TENM3: variants seen among roughly 807,000 people sequenced by gnomAD.
TENM3 encodes teneurin-3.
In TENM3, 63 loss-of-function variants were observed where a neutral mutation model predicts 255.1. The observed-to-expected ratio is 0.25, with a 90% CI of 0.20 to 0.30. The LOEUF (loss-of-function observed/expected upper bound fraction) is 0.30. Among genes scored for constraint, TENM3 ranks in the 10% least tolerant of loss-of-function variants. The probability of loss-of-function intolerance (pLI) is 1.00; values close to 1 mark genes in which losing one functional copy is unlikely to be tolerated. For missense variants in TENM3, 2,929 were observed against 3,461.1 expected (o/e 0.85, Z 3.86); for synonymous variants, 1,306 against 1,322.3 (o/e 0.99, Z 0.27).
At chr4:182,588,270 C>T (rs1746246107) in intron 3 of TENM3, among the ~76,000 whole-genome samples, 1 of 151,998 alleles carries the variant, frequency 6.6e-6, no homozygotes, top group African/African-American at 2.4e-5. Context: ...CTCCTGTTTC[C>T]TTTTGTAGTA....
intron 2 of TENM3, among the ~76,000 whole-genome samples, chr4:182,342,619 G>A (rs1388260578): frequency 6.6e-6 from 1 of 152,136 alleles, no homozygotes; most frequent in Non-Finnish European, 1.5e-5. Context: ...GGTGCATTTT[G>A]TGGTATGTGA....
chr4:182,477,229 A>G (rs891701615), intron 3 of TENM3, among the ~76,000 whole-genome samples: 1 of 152,190 alleles, frequency 6.6e-6, no homozygotes, highest in African/African-American at 2.4e-5. Context: ...AACCTTTGAA[A>G]TGACTAGAGA....
chr4:182,426,657 C>T (rs1056207562), intron 3 of TENM3, among the ~76,000 whole-genome samples: 2 of 152,102 alleles, frequency 1.3e-5, no homozygotes, highest in African/African-American at 4.8e-5. Flanking sequence ...ATATTTATTG[C>T]AATGTCTTTA....
rs116111555 is a variant in TENM3 at position 182,748,391 on chromosome 4, G to A, written c.3630-3409G>A. ...GCTGCTGGCTGCAGCCGGTTCCGTC[G>A]TGGTAGCCTCACGTTTTCACAGTAG... is the stretch of plus-strand genomic sequence containing the variant. On this transcript the variant is annotated intron_variant, in intron 19 of 27. Transcript: ENST00000511685. 8.1e-3 allele frequency among the ~76,000 whole-genome samples: 1,228 copies of A among 152,242 alleles called. 22 individuals carry two copies. Among genetic ancestry groups the A allele is most frequent in the African/African-American group, 0.027 (1,142 of 41,548 alleles).
At chr4:181,905,806 G>A in the TENM3 span, 1 of 366,444 alleles carries the variant, frequency 2.7e-6, no homozygotes, top group African/African-American at 2.2e-5. Flanking sequence ...GAGTCTACCA[G>A]GTCATCATCA....
At chr4:182,364,479 C>T (rs1037839594) in intron 3 of TENM3, among the ~76,000 whole-genome samples, 15 of 152,134 alleles carry the variant, frequency 9.9e-5, no homozygotes, top group African/African-American at 2.9e-4. Context: ...TGCAGTGGCG[C>T]GATCTCGGCT....
chr4:182,166,705 C>G (rs1196001186), intron 1 of TENM3, among the ~76,000 whole-genome samples: 1 of 152,084 alleles, frequency 6.6e-6, no homozygotes, highest in Non-Finnish European at 1.5e-5. Context: ...GATCTGAGCT[C>G]ACTGCAACCT....
intron 3 of TENM3, among the ~76,000 whole-genome samples, chr4:182,562,450 G>T (rs113473013): frequency 3.0e-4 from 46 of 152,062 alleles, no homozygotes; most frequent in African/African-American, 1.0e-3. Context: ...TGTTCCAGCC[G>T]CTGTTGCCTC....
the TENM3 span, among the ~76,000 whole-genome samples, chr4:181,926,596 C>A: frequency 6.6e-6 from 1 of 151,976 alleles, no homozygotes; most frequent in Admixed American, 6.6e-5. Flanking sequence ...GTTTTAAATC[C>A]TGGTCCTTGA....
intron 12 of TENM3, among the ~76,000 whole-genome samples, chr4:182,710,337 A>T (rs1254132571): frequency 6.6e-6 from 1 of 152,232 alleles, no homozygotes; most frequent in Non-Finnish European, 1.5e-5. Context: ...AGAAGGAATT[A>T]TAAAGAAATT....
chr4:181,629,840 T>C, the TENM3 span, among the ~76,000 whole-genome samples: 7 of 152,248 alleles, frequency 4.6e-5, no homozygotes, highest in African/African-American at 7.2e-5. Flanking sequence ...ATCAGGATGA[T>C]GCCGACCTCA....
Position 182,517,385 on chromosome 4 carries a change from T to TTC in TENM3, c.512-83538_512-83537insCT, listed in dbSNP as rs200480086. 4.1e-3 allele frequency among the ~76,000 whole-genome samples: 528 copies of TTC among 128,578 alleles called. 34 individuals are homozygous for TTC. The highest frequency in any genetic ancestry group is 7.6e-3 in the Non-Finnish European group (451 of 59,306). The allele number at this position is 128,578 out of a possible 152,430, so 84.4% of individuals were successfully genotyped here. ...AAAAAAAACAAAGTTCATTCTTTTT[T>TTC]TTTTTTTTTTTTTTTTGAGACGGAG... is the stretch of plus-strand genomic sequence containing the variant. On this transcript the variant is annotated intron_variant, in intron 3 of 27. Coordinates refer to ENST00000511685, the MANE Select transcript of TENM3 (RefSeq NM_001080477.4).
chr4:182,517,717 C>T (rs148202987), intron 3 of TENM3, among the ~76,000 whole-genome samples: 1 of 152,164 alleles, frequency 6.6e-6, no homozygotes, highest in South Asian at 2.1e-4. Context: ...AGATAATAGT[C>T]AACATAGTAT....
At chr4:182,180,963 ACTGAAGAAGAATT>A (rs947679798) in intron 1 of TENM3, among the ~76,000 whole-genome samples, 2 of 152,050 alleles carry the variant, frequency 1.3e-5, no homozygotes, top group Non-Finnish European at 2.9e-5. Context: ...CTGTCACCTG[ACTGAAGAAGAATT>A]CTTCACTTGA....
At chr4:182,178,711 A>T (rs17307065) in intron 1 of TENM3, among the ~76,000 whole-genome samples, 7,302 of 152,316 alleles carry the variant, frequency 0.048, 246 homozygotes, top group Non-Finnish European at 0.07. Flanking sequence ...CAACTCCATC[A>T]TCATTTTCCT....
the TENM3 span, among the ~76,000 whole-genome samples, chr4:181,535,209 T>C: frequency 6.6e-6 from 1 of 152,186 alleles, no homozygotes; most frequent in Non-Finnish European, 1.5e-5. Flanking sequence ...CTCTTGCCGC[T>C]GAGGCTTCCC....
chr4:182,004,143 G>A, the TENM3 span, among the ~76,000 whole-genome samples: 2 of 152,022 alleles, frequency 1.3e-5, no homozygotes, highest in African/African-American at 4.8e-5. Flanking sequence ...GAACGTGCAG[G>A]CTTATTACAT....
chr4:181,994,177 T>G, the TENM3 span, among the ~76,000 whole-genome samples: 1 of 152,200 alleles, frequency 6.6e-6, no homozygotes, highest in African/African-American at 2.4e-5. Context: ...TTATATGTTT[T>G]GAAGTGCATT....
At chr4:181,543,351 G>A in the TENM3 span, among the ~76,000 whole-genome samples, 1 of 152,008 alleles carries the variant, frequency 6.6e-6, no homozygotes, top group Non-Finnish European at 1.5e-5. Flanking sequence ...AGGGGAAGAG[G>A]AGGAGGAGGA....
Sources: allele counts gnomAD v4.1 joint callset (sites outside exome capture counted in the v4.1 genomes callset), GRCh38; gene constraint gnomAD v4.1.1; transcripts MANE v1.5; gene names NCBI Gene and HGNC (gene_info 2026-07-23, HGNC 2026-07-21).